Variants in GPC5 observed in about 807,000 individuals in gnomAD.
The protein encoded by GPC5 is glypican 5.
In GPC5, 47 loss-of-function variants were observed where a neutral mutation model predicts 53.9. The ratio of observed to expected loss-of-function variants is 0.87; its 90% CI spans 0.69 to 1.11. GPC5 has a LOEUF of 1.11. GPC5 is among the 50% of genes most tolerant of loss of function. The pLI is 0.00. For missense variants in GPC5, 748 were observed against 713.1 expected, an observed-to-expected ratio of 1.05 and a Z score of -0.56; for synonymous variants, 286 against 263.3, an observed-to-expected ratio of 1.09 and a Z score of -0.84.
At chr13:92,178,524 G>A (rs1318684857) in intron 7 of GPC5, among the ~76,000 whole-genome samples, 1 of 150,292 alleles carries the variant, frequency 6.7e-6, no homozygotes, top group Non-Finnish European at 1.5e-5. Context: ...TTAAATTTTT[G>A]TATAGTGTTT....
In GPC5 at chr13:92,672,997, C is replaced by G. The variant is rs563252336; in HGVS notation, c.1562-193285C>G. 6.6e-5 allele frequency among the ~76,000 whole-genome samples: 10 copies of G among 152,146 alleles called. No homozygotes were observed. In the South Asian group the frequency reaches 2.1e-3, roughly 32 times the overall value. ...ACAAACCCCCATGACACAAGTTTACCTGTGTAACACACCTGCACTTGTACC... is the reference window on the plus strand; with the variant it reads ...ACAAACCCCCATGACACAAGTTTACGTGTGTAACACACCTGCACTTGTACC... On this transcript the variant is annotated intron_variant, in intron 7 of 7. Coordinates refer to ENST00000377067, the MANE Select transcript of GPC5 (RefSeq NM_004466.6).
At chr13:92,045,855 T>C (rs958659955) in intron 6 of GPC5, among the ~76,000 whole-genome samples, 1 of 152,120 alleles carries the variant, frequency 6.6e-6, no homozygotes, top group Non-Finnish European at 1.5e-5. Flanking sequence ...AGTGCAGATA[T>C]GGGGGATGAG....
At chr13:91,531,432 G>A (rs952836437) in intron 2 of GPC5, among the ~76,000 whole-genome samples, 3 of 152,132 alleles carry the variant, frequency 2.0e-5, no homozygotes, top group Non-Finnish European at 4.4e-5. Flanking sequence ...ATGGGGTAAA[G>A]CCGGCTGTTA....
intron 1 of GPC5, among the ~76,000 whole-genome samples, chr13:91,431,874 CCT>C (rs1872009218): frequency 6.6e-6 from 1 of 152,188 alleles, no homozygotes; most frequent in African/African-American, 2.4e-5. Flanking sequence ...TTCCATCTCA[CCT>C]CTAACTTCAT....
chr13:92,225,257 T>C (rs1050334687), intron 7 of GPC5, among the ~76,000 whole-genome samples: 1 of 152,260 alleles, frequency 6.6e-6, no homozygotes, highest in East Asian at 1.9e-4. Context: ...CCTTATATTA[T>C]AGTTGTGTAT....
chr13:91,466,288 C>T (rs577095739), intron 2 of GPC5, among the ~76,000 whole-genome samples: 30 of 152,242 alleles, frequency 2.0e-4, no homozygotes, highest in African/African-American at 4.8e-4. Flanking sequence ...CCCAGGAGTG[C>T]GCTGTATGTA....
intron 7 of GPC5, among the ~76,000 whole-genome samples, chr13:92,799,251 C>T (rs1043862287): frequency 6.6e-6 from 1 of 151,662 alleles, no homozygotes; most frequent in East Asian, 1.9e-4. Context: ...TTCCTTTCAT[C>T]CACTTAAAAA....
intron 7 of GPC5, among the ~76,000 whole-genome samples, chr13:92,759,695 ATC>A (rs1315450012): frequency 2.0e-5 from 3 of 152,040 alleles, no homozygotes; most frequent in African/African-American, 7.2e-5. Context: ...TGATTTAAAT[ATC>A]TTTTATTTCT....
intron 6 of GPC5, among the ~76,000 whole-genome samples, chr13:92,088,078 C>A (rs1157195842): frequency 1.3e-5 from 2 of 151,962 alleles, no homozygotes; most frequent in African/African-American, 4.8e-5. Context: ...GCCCCAACTA[C>A]AATCTTGCCG....
chr13:91,453,526 G>T (rs1239053886), intron 2 of GPC5, among the ~76,000 whole-genome samples: 1 of 151,900 alleles, frequency 6.6e-6, no homozygotes, highest in Non-Finnish European at 1.5e-5. Flanking sequence ...TACAGAAATG[G>T]ACTATATTTA....
At position 92,020,728 on chromosome 13, in the gene GPC5, G is replaced by T. The variant is rs193047636; in HGVS notation, c.1401+112671G>T. On this transcript the variant is annotated intron_variant, in intron 6 of 7. Coordinates refer to ENST00000377067, the MANE Select transcript of GPC5 (RefSeq NM_004466.6). The stretch of plus-strand genomic sequence containing the variant: ...TTATGAACTTCTCATAGAATTTGAA[G>T]ATTAACTCCTTAACAAATATATGGC... Among the ~76,000 whole-genome samples, 123 of 144,584 alleles carry T rather than the reference G, an allele frequency of 8.5e-4. No homozygotes were observed. The South Asian group carries it at 0.01, about 12-fold the overall frequency. 94.9% of individuals were successfully genotyped at this position (144,584 alleles called of 152,430 possible).
intron 7 of GPC5, among the ~76,000 whole-genome samples, chr13:92,326,679 A>G (rs544821616): frequency 2.0e-5 from 3 of 152,312 alleles, no homozygotes; most frequent in African/African-American, 7.2e-5. Context: ...TTCAAAGAAC[A>G]AATGAACAGG....
chr13:92,091,582 G>A (rs2138896889), intron 6 of GPC5, among the ~76,000 whole-genome samples: 1 of 151,842 alleles, frequency 6.6e-6, no homozygotes, highest in East Asian at 1.9e-4. Flanking sequence ...GAACTACTTG[G>A]AATTCTAAGA....
chr13:91,983,338 C>A (rs1336833021), intron 6 of GPC5, among the ~76,000 whole-genome samples: 1 of 128,420 alleles, frequency 7.8e-6, no homozygotes, highest in African/African-American at 2.5e-5. Context: ...AGAGCCAGAC[C>A]CTGTCTCAAA....
At chr13:91,923,357 G>A (rs935270359) in intron 6 of GPC5, among the ~76,000 whole-genome samples, 7 of 152,154 alleles carry the variant, frequency 4.6e-5, no homozygotes, top group African/African-American at 1.7e-4. Flanking sequence ...TTGCAGTTCA[G>A]CAGCACTTAA....
intron 7 of GPC5, among the ~76,000 whole-genome samples, chr13:92,256,333 C>G (rs1192444483): frequency 6.6e-6 from 1 of 151,726 alleles, no homozygotes; most frequent in Non-Finnish European, 1.5e-5. Context: ...TAAGATTGCT[C>G]TAGGATAGAT....
chr13:92,330,349 C>T (rs1306452323), intron 7 of GPC5, among the ~76,000 whole-genome samples: 3 of 152,158 alleles, frequency 2.0e-5, no homozygotes, highest in African/African-American at 7.2e-5. Context: ...ATAATAACAT[C>T]TCTGGTCATA....
intron 7 of GPC5, among the ~76,000 whole-genome samples, chr13:92,711,663 T>C (rs1012896007): frequency 2.6e-5 from 4 of 152,062 alleles, no homozygotes; most frequent in Non-Finnish European, 5.9e-5. Flanking sequence ...CTCAGAATTA[T>C]TTCAAGGAGA....
rs2040576711 is a variant in GPC5, at chr13:92,003,555, TAGG to T, written c.1401+95500_1401+95502del. 2.0e-5 allele frequency among the ~76,000 whole-genome samples: 3 copies of T among 152,266 alleles called. No homozygotes were observed. In the South Asian group the frequency reaches 6.2e-4, roughly 32 times the overall value. On this transcript the variant is annotated intron_variant, in intron 6 of 7. Transcript: ENST00000377067. The stretch of plus-strand genomic sequence containing the variant: ...CCCAAATATAACATTTAACAGATTA[TAGG>T]ATGTCAGTATTTCAAATCTAGTAAG...
Sources: gnomAD v4.1 joint callset for allele counts (sites outside exome capture counted in the v4.1 genomes callset) on GRCh38, gnomAD v4.1.1 for gene constraint, MANE v1.5 for transcripts, NCBI Gene and HGNC (gene_info 2026-07-23, HGNC 2026-07-21) for gene names.